Variants in MSI2 observed in about 807,000 individuals in gnomAD.
The protein encoded by MSI2 is musashi RNA binding protein 2.
MSI2 carries 17 observed loss-of-function variants against 45.6 expected under a neutral mutation model. The observed-to-expected ratio is 0.37, with a 90% CI of 0.26 to 0.56. The LOEUF (loss-of-function observed/expected upper bound fraction) is 0.56, where lower values mean the gene tolerates loss of function less well. MSI2 is among the 20% of genes least tolerant of loss of function. The pLI is 0.77. For missense variants in MSI2, 293 were observed against 444.2 expected, an observed-to-expected ratio of 0.66 and a Z score of 3.06; for synonymous variants, 156 against 158.2, an observed-to-expected ratio of 0.99 and a Z score of 0.11.
chr17:57,320,444 A>G (rs768852173), intron 5 of MSI2, among the ~76,000 whole-genome samples: 5 of 152,144 alleles, frequency 3.3e-5, no homozygotes, highest in Non-Finnish European at 7.4e-5. Context: ...TTGTAGGAAG[A>G]TAATAGGGAG....
At chr17:57,515,299 G>A (rs371757907) in intron 6 of MSI2, among the ~76,000 whole-genome samples, 4 of 152,292 alleles carry the variant, frequency 2.6e-5, no homozygotes, top group South Asian at 4.2e-4. Flanking sequence ...CGCCTCCCGG[G>A]TTTAAGCAAT....
At position 57,256,627 on chromosome 17, in the gene MSI2, G is replaced by C. The variant is rs1169088760; in HGVS notation, c.-116G>C. On this transcript the variant is annotated 5_prime_UTR_variant, in exon 1 of 14. Transcript: ENST00000284073. Reference sequence around the variant, plus strand: ...GAGATTCGGAGGAGCCCGGGCGGGGGGGAGGAGGAGGGGGAGGAGGGAGCG... The same window carrying C: ...GAGATTCGGAGGAGCCCGGGCGGGGCGGAGGAGGAGGGGGAGGAGGGAGCG... The C allele has an allele frequency of 4.4e-6, 2 of 456,244 alleles. No homozygotes were observed. Among genetic ancestry groups the C allele is most frequent in the Non-Finnish European group, 7.5e-6 (2 of 267,696 alleles). 28.3% of individuals were successfully genotyped at this position (456,244 alleles called of 1,614,324 possible). A position where few individuals can be genotyped will look rare whatever the true frequency, so the allele number is the denominator to read the frequency against.
At chr17:57,561,559 A>G (rs2087575924) in intron 7 of MSI2, among the ~76,000 whole-genome samples, 1 of 152,176 alleles carries the variant, frequency 6.6e-6, no homozygotes, top group Admixed American at 6.5e-5. Flanking sequence ...AGCAATAAGA[A>G]TTGTTTGCCC....
At chr17:57,563,098 C>CAAAAAAAA (rs59975200) in intron 7 of MSI2, among the ~76,000 whole-genome samples, 1 of 71,270 alleles carries the variant, frequency 1.4e-5, no homozygotes, top group Non-Finnish European at 2.5e-5. Context: ...ACTTCGTCTC[C>CAAAAAAAA]AAAAAAAAAA....
intron 7 of MSI2, among the ~76,000 whole-genome samples, chr17:57,579,705 AAT>A (rs762480912): frequency 8.2e-4 from 125 of 152,364 alleles, no homozygotes; most frequent in Admixed American, 4.1e-3. Flanking sequence ...ACAGCAAGTC[AAT>A]ATAAGTAATG....
At chr17:57,581,536 G>A (rs2088206991) in intron 7 of MSI2, among the ~76,000 whole-genome samples, 1 of 152,178 alleles carries the variant, frequency 6.6e-6, no homozygotes, top group Non-Finnish European at 1.5e-5. Flanking sequence ...GTTCTTTTGA[G>A]TAGGCTACAC....
intron 8 of MSI2, 87 bp downstream of exon 8, chr17:57,597,037 A>T (rs2144456946): frequency 4.1e-6 from 4 of 977,042 alleles, no homozygotes; most frequent in Admixed American, 1.8e-5. Flanking sequence ...GCCCATCATC[A>T]GGCTGGAGTG....
At chr17:57,373,350 C>G (rs1375846897) in intron 5 of MSI2, among the ~76,000 whole-genome samples, 1 of 152,126 alleles carries the variant, frequency 6.6e-6, no homozygotes, top group African/African-American at 2.4e-5. Flanking sequence ...CACCCCAGGT[C>G]AATCAGCCAG....
At chr17:57,598,767 A>G (rs556145385) in intron 8 of MSI2, among the ~76,000 whole-genome samples, 2 of 152,206 alleles carry the variant, frequency 1.3e-5, no homozygotes, top group Admixed American at 6.5e-5. Flanking sequence ...GGCTCAAGCA[A>G]TTCTCCTGCC....
At chr17:57,604,816 G>A (rs779376322) in intron 8 of MSI2, among the ~76,000 whole-genome samples, 1 of 152,132 alleles carries the variant, frequency 6.6e-6, no homozygotes, top group Non-Finnish European at 1.5e-5. Context: ...GAGGCCAGCC[G>A]CAGGCTAGGG....
chr17:57,290,254 G>T (rs1910290286), intron 5 of MSI2, among the ~76,000 whole-genome samples: 2 of 152,170 alleles, frequency 1.3e-5, no homozygotes, highest in Non-Finnish European at 2.9e-5. Flanking sequence ...CTGGCCAGGG[G>T]TAAGGAAGTC....
intron 6 of MSI2, among the ~76,000 whole-genome samples, chr17:57,518,257 G>A (rs1325820672): frequency 1.3e-5 from 2 of 152,118 alleles, no homozygotes; most frequent in Non-Finnish European, 2.9e-5. Context: ...GGTGCAGATG[G>A]CCCATGGGAT....
intron 7 of MSI2, among the ~76,000 whole-genome samples, chr17:57,563,098 C>CAAAAA (rs59975200): frequency 5.8e-4 from 41 of 71,220 alleles, no homozygotes; most frequent in African/African-American, 1.9e-3. Context: ...ACTTCGTCTC[C>CAAAAA]AAAAAAAAAA....
intron 5 of MSI2, among the ~76,000 whole-genome samples, chr17:57,370,892 T>C (rs2083410911): frequency 6.6e-6 from 1 of 152,232 alleles, no homozygotes; most frequent in Non-Finnish European, 1.5e-5. Context: ...ACAGCTGGAC[T>C]TTAAATGTTA....
At chr17:57,318,205 G>A (rs969289290) in intron 5 of MSI2, among the ~76,000 whole-genome samples, 1 of 151,998 alleles carries the variant, frequency 6.6e-6, no homozygotes, top group Non-Finnish European at 1.5e-5. Context: ...GGGAAGGTGG[G>A]AAGGTGGGAA....
At chr17:57,267,970 A>T (rs1907975865) in intron 5 of MSI2, 1 of 151,714 alleles carries the variant, frequency 6.6e-6, no homozygotes, top group Admixed American at 6.6e-5. Context: ...TACACAACAG[A>T]CCCTCTTTGA....
chr17:57,546,623 G>A (rs2087173646), intron 7 of MSI2, among the ~76,000 whole-genome samples: 1 of 152,194 alleles, frequency 6.6e-6, no homozygotes, highest in Non-Finnish European at 1.5e-5. Context: ...TGGGCAGCCA[G>A]GGACGACCAG....
intron 5 of MSI2, among the ~76,000 whole-genome samples, chr17:57,329,451 A>G (rs985913721): frequency 6.6e-6 from 1 of 152,204 alleles, no homozygotes; most frequent in African/African-American, 2.4e-5. Flanking sequence ...GGAGGCATGT[A>G]TAAACTTCCA....
intron 8 of MSI2, among the ~76,000 whole-genome samples, chr17:57,614,018 C>A (rs1907429167): frequency 6.6e-6 from 1 of 152,032 alleles, no homozygotes; most frequent in Non-Finnish European, 1.5e-5. Context: ...AAATGGATAA[C>A]CCATAGAGGT....
Sources: gnomAD v4.1 joint callset for allele counts (sites outside exome capture counted in the v4.1 genomes callset) on GRCh38, gnomAD v4.1.1 for gene constraint, MANE v1.5 for transcripts, NCBI Gene and HGNC (gene_info 2026-07-23, HGNC 2026-07-21) for gene names.